The following WLS variants were observed in gnomAD, a reference collection of about 807,000 sequenced individuals.
The protein encoded by WLS is Wnt ligand secretion mediator, also known as protein wntless homolog.
Under a neutral mutation model 62.8 loss-of-function variants are expected in WLS, and 23 were observed. The observed-to-expected ratio is 0.37, with a 90% CI of 0.26 to 0.52. The LOEUF (loss-of-function observed/expected upper bound fraction) is 0.52, where lower values mean the gene tolerates loss of function less well. WLS is among the 20% of genes least tolerant of loss of function. WLS has a pLI of 0.92. For synonymous variants in WLS, 246 were observed against 244.1 expected, an observed-to-expected ratio of 1.01 and a Z score of -0.07; for missense variants, 615 against 697.3, an observed-to-expected ratio of 0.88 and a Z score of 1.33.
intron 2 of WLS, among the ~76,000 whole-genome samples, chr1:68,187,993 A>G (rs1014537660): frequency 6.6e-6 from 1 of 152,212 alleles, no homozygotes; most frequent in African/African-American, 2.4e-5. Flanking sequence ...TCTGATGCCA[A>G]GTTTTGAAAT....
intron 5 of WLS, among the ~76,000 whole-genome samples, chr1:68,151,997 GGTGGCAGCA>G (rs1315483479): frequency 1.3e-5 from 2 of 152,164 alleles, no homozygotes; most frequent in African/African-American, 4.8e-5. Flanking sequence ...GTTAGATTAG[GGTGGCAGCA>G]GTGGAATTGG....
At chr1:68,183,600 C>CATTAT in intron 2 of WLS, 1 of 524,044 alleles carries the variant, frequency 1.9e-6, no homozygotes. Context: ...TCACCCATCA[C>CATTAT]CATTGTAGAT....
chr1:68,162,210 G>A, intron 2 of WLS: 1 of 1,453,842 alleles, frequency 6.9e-7, no homozygotes, highest in African/African-American at 1.4e-5. Flanking sequence ...GCACATAGAG[G>A]GCTGCCCCTC....
At chr1:68,196,774 C>A (rs186362073) in intron 1 of WLS, among the ~76,000 whole-genome samples, 48 of 152,200 alleles carry the variant, frequency 3.2e-4, no homozygotes, top group African/African-American at 1.2e-3. Flanking sequence ...AGACGTTTTT[C>A]TTTAAAACTC....
At chr1:68,193,603 T>C (rs963856352) in intron 2 of WLS, among the ~76,000 whole-genome samples, 8 of 152,118 alleles carry the variant, frequency 5.3e-5, no homozygotes, top group South Asian at 2.1e-4. Context: ...AGTCACTCCA[T>C]TGGGGTGAAC....
At chr1:68,187,739 T>G (rs1417917712) in intron 2 of WLS, among the ~76,000 whole-genome samples, 1 of 152,108 alleles carries the variant, frequency 6.6e-6, no homozygotes, top group Non-Finnish European at 1.5e-5. Context: ...TTCTAAAATA[T>G]TCAATCCATT....
At chr1:68,182,380 G>A (rs531548009) in intron 2 of WLS, among the ~76,000 whole-genome samples, 126 of 152,278 alleles carry the variant, frequency 8.3e-4, no homozygotes, top group Non-Finnish European at 1.4e-3. Flanking sequence ...TGCTCACAAC[G>A]GTCAATTCCA....
chr1:68,209,727 G>A (rs1649433818), intron 1 of WLS, among the ~76,000 whole-genome samples: 1 of 152,026 alleles, frequency 6.6e-6, no homozygotes. Flanking sequence ...GTTGCGGTGA[G>A]CCAAGATTGC....
At chr1:68,193,193 A>G (rs76112975) in intron 2 of WLS, among the ~76,000 whole-genome samples, 18,248 of 151,578 alleles carry the variant, frequency 0.12, 1,423 homozygotes, top group African/African-American at 0.23. Context: ...CCTTTAACAC[A>G]TCTTTTTCCC....
intron 2 of WLS, chr1:68,161,859 G>A (rs1467016413): frequency 1.9e-5 from 30 of 1,607,182 alleles, no homozygotes; most frequent in Middle Eastern, 2.0e-4. Context: ...GAGTCACTGG[G>A]ATGCCTCCAG....
intron 1 of WLS, among the ~76,000 whole-genome samples, chr1:68,200,026 G>T (rs959201341): frequency 1.3e-5 from 2 of 152,200 alleles, no homozygotes; most frequent in Non-Finnish European, 2.9e-5. Context: ...GGTACAAGGG[G>T]AAGGAATGCA....
chr1:68,108,083 T>C (rs1215207741), intron 11 of WLS, among the ~76,000 whole-genome samples: 1 of 152,138 alleles, frequency 6.6e-6, no homozygotes, highest in African/African-American at 2.4e-5. Context: ...TTTATATGTA[T>C]ACAATATTCG....
At chr1:68,127,352 G>T (rs888114363) in intron 11 of WLS, among the ~76,000 whole-genome samples, 6 of 152,222 alleles carry the variant, frequency 3.9e-5, no homozygotes. Flanking sequence ...CCAGAAACGT[G>T]CTGTGCATTT....
chr1:68,161,887 G>A (rs1646980894), intron 2 of WLS: 1 of 1,608,626 alleles, frequency 6.2e-7, no homozygotes, highest in African/African-American at 1.3e-5. Flanking sequence ...CCCTTCCACG[G>A]CTGCAGGAAG....
At chr1:68,144,911 C>T (rs1012115460) in intron 9 of WLS, among the ~76,000 whole-genome samples, 2 of 152,182 alleles carry the variant, frequency 1.3e-5, no homozygotes, top group African/African-American at 2.4e-5. Context: ...CACAACACGT[C>T]GTGAGGCTGC....
rs893538490 is a variant in WLS at position 68,232,379 on chromosome 1, C to A, written c.-80G>T. On this transcript the variant is annotated 5_prime_UTR_variant, in exon 1 of 12. Coordinates refer to ENST00000262348, the MANE Select transcript of WLS (RefSeq NM_024911.7). ...TTTTGCTCCCTCCTCTCACACACTCCCTCCTTCCTCGCCTCCTTTCTGGGC... is the reference window on the plus strand; with the variant it reads ...TTTTGCTCCCTCCTCTCACACACTCACTCCTTCCTCGCCTCCTTTCTGGGC... The A allele has an allele frequency of 6.6e-7, 1 of 1,521,318 alleles. No homozygotes were observed. Among genetic ancestry groups the A allele is most frequent in the African/African-American group, 1.4e-5 (1 of 71,938 alleles). The allele number at this position is 1,521,318 out of a possible 1,614,324, so 94.2% of individuals were successfully genotyped here.
At chr1:68,099,456 G>A (rs552642576) in intron 11 of WLS, among the ~76,000 whole-genome samples, 1 of 152,260 alleles carries the variant, frequency 6.6e-6, no homozygotes, top group South Asian at 2.1e-4. Context: ...ATTCTATGTT[G>A]ATAAGATTAA....
intron 11 of WLS, among the ~76,000 whole-genome samples, chr1:68,111,426 G>A (rs1045178779): frequency 2.6e-5 from 4 of 152,108 alleles, no homozygotes; most frequent in African/African-American, 4.8e-5. Context: ...CCAAATCACC[G>A]GGCCTGCTGT....
downstream of WLS, among the ~76,000 whole-genome samples, chr1:68,122,643 T>C (rs1400567019): frequency 6.6e-6 from 1 of 152,260 alleles, no homozygotes; most frequent in African/African-American, 2.4e-5. Context: ...AAAATGTTTA[T>C]TATGACAATG....
Sources: allele counts gnomAD v4.1 joint callset (sites outside exome capture counted in the v4.1 genomes callset), GRCh38; gene constraint gnomAD v4.1.1; transcripts MANE v1.5; gene names NCBI Gene and HGNC (gene_info 2026-07-23, HGNC 2026-07-21).